The following TRIM14 variants were observed in gnomAD, a reference collection of about 807,000 sequenced individuals.
TRIM14 encodes the protein tripartite motif-containing protein 14.
TRIM14 carries 28 observed loss-of-function variants against 44.5 expected under a neutral mutation model. That is an observed-to-expected ratio of 0.63 (90% confidence interval 0.47 to 0.86). TRIM14 has a LOEUF of 0.86. Among genes scored for constraint, TRIM14 ranks in the 40% least tolerant of loss-of-function variants. The pLI is 0.00. For synonymous variants in TRIM14, 299 were observed against 269.2 expected, an observed-to-expected ratio of 1.11 and a Z score of -1.08; for missense variants, 607 against 611.1, an observed-to-expected ratio of 0.99 and a Z score of 0.07.
intron 1 of TRIM14, among the ~76,000 whole-genome samples, chr9:98,115,654 G>C (rs1374934659): frequency 6.6e-6 from 1 of 152,032 alleles, no homozygotes; most frequent in Non-Finnish European, 1.5e-5. Context: ...AAAGTGCTGG[G>C]TTTACAGGCG....
At chr9:98,117,740 G>C (rs1213705549) in intron 1 of TRIM14, among the ~76,000 whole-genome samples, 3 of 152,190 alleles carry the variant, frequency 2.0e-5, no homozygotes, top group Non-Finnish European at 2.9e-5. Flanking sequence ...CCATCCTCAA[G>C]CTTTAGGCTT....
chr9:98,055,588 G>A, the TRIM14 span, among the ~76,000 whole-genome samples: 1 of 152,118 alleles, frequency 6.6e-6, no homozygotes, highest in African/African-American at 2.4e-5. Flanking sequence ...GAGCAATTTG[G>A]GGAGGGTCAG....
At chr9:98,061,126 C>G in the TRIM14 span, 1 of 828,426 alleles carries the variant, frequency 1.2e-6, no homozygotes, top group Non-Finnish European at 1.9e-6. Context: ...ACTGGAGAGG[C>G]TAGCAGGCGC....
At chr9:98,051,245 A>C in the TRIM14 span, among the ~76,000 whole-genome samples, 22 of 152,226 alleles carry the variant, frequency 1.4e-4, no homozygotes, top group Non-Finnish European at 3.1e-4. Context: ...TATTCTCCTT[A>C]TCCAGGGTCC....
rs777353556 is a variant in TRIM14, at chr9:98,087,575, C to G, written c.1224G>C (p.Thr408=). Reference sequence around the variant, plus strand: ...AGGTATGCAGGTGGCTCATGCCGCCCGTCACGTCGTAGAAGGCGAGGACGC... The same window carrying G: ...AGGTATGCAGGTGGCTCATGCCGCCGGTCACGTCGTAGAAGGCGAGGACGC... The part of the protein sequence containing the change: ...EAGVLAFYDV[T]GGMSHLHTFR... Residue 408 remains threonine (T), a synonymous_variant, in exon 6 of 6, where the codon ACG becomes ACC. Transcript: ENST00000341469. 1.1e-5 allele frequency: 17 copies of G among 1,597,278 alleles called. No individual in the cohort carries two copies. In the South Asian group the frequency reaches 1.8e-4, roughly 17 times the overall value.
At chr9:98,064,381 G>A (rs866665343), downstream of TRIM14, among the ~76,000 whole-genome samples, 41 of 152,148 alleles carry the variant, frequency 2.7e-4, 1 homozygote, top group Middle Eastern at 0.014. Context: ...AGCCTCCTGA[G>A]TAGCTGGGAT....
At chr9:98,050,194 A>T in the TRIM14 span, among the ~76,000 whole-genome samples, 6 of 152,240 alleles carry the variant, frequency 3.9e-5, no homozygotes, top group African/African-American at 1.4e-4. Context: ...CACTTGTTGT[A>T]GTTCATGATG....
At chr9:98,118,678 C>T (rs1018100811) in intron 1 of TRIM14, among the ~76,000 whole-genome samples, 1 of 152,332 alleles carries the variant, frequency 6.6e-6, no homozygotes, top group Admixed American at 6.5e-5. Flanking sequence ...GGCAGTGTGG[C>T]GGATCGGCCA....
Position 98,095,032 on chromosome 9 carries a change from G to A in TRIM14, c.538-3C>T, listed in dbSNP as rs747674761. 1.4e-5 allele frequency: 22 copies of A among 1,612,110 alleles called. No homozygotes were observed. Among genetic ancestry groups the A allele is most frequent in the African/African-American group, 4.0e-5 (3 of 75,008 alleles). ...TCCTGCTCGGTGGCCGTGTATGCCT[G>A]TGTGGGCACACGGGGGTGAGGGTGG... On this transcript the variant is annotated splice_region_variant and splice_polypyrimidine_tract_variant and intron_variant, in intron 3 of 5. Transcript: ENST00000341469. The surrounding 1 kb of genome is among the most constrained non-coding windows in gnomAD (Gnocchi z 4.1).
chr9:98,036,019 A>G, the TRIM14 span, among the ~76,000 whole-genome samples: 3,312 of 151,122 alleles, frequency 0.022, 84 homozygotes, highest in Non-Finnish European at 0.029. Context: ...GACCAGCCTG[A>G]CCAACATGGT....
chr9:98,061,116 A>G, the TRIM14 span: 2 of 956,704 alleles, frequency 2.1e-6, no homozygotes, highest in Non-Finnish European at 3.2e-6. Context: ...GTTCCCAGCT[A>G]CTGGAGAGGC....
At chr9:98,041,271 A>C in the TRIM14 span, among the ~76,000 whole-genome samples, 7 of 152,236 alleles carry the variant, frequency 4.6e-5, no homozygotes, top group East Asian at 5.8e-4. Context: ...GAAAAAAAAA[A>C]CTTAAGAACA....
chr9:98,038,470 G>C, the TRIM14 span, among the ~76,000 whole-genome samples: 1 of 152,128 alleles, frequency 6.6e-6, no homozygotes, highest in African/African-American at 2.4e-5. Context: ...AATAAGAGTG[G>C]AATGAAAATT....
intron 1 of TRIM14, among the ~76,000 whole-genome samples, chr9:98,112,763 A>G (rs1340748158): frequency 7.2e-6 from 1 of 138,658 alleles, no homozygotes; most frequent in Non-Finnish European, 1.5e-5. Flanking sequence ...GCGCCATTGC[A>G]CTCCAGCCTG....
downstream of TRIM14, among the ~76,000 whole-genome samples, chr9:98,065,637 C>T (rs569107177): frequency 6.6e-6 from 1 of 150,646 alleles, no homozygotes; most frequent in Non-Finnish European, 1.5e-5. Context: ...CTGCATCCAG[C>T]TGCTTTTTTT....
At position 98,086,147 on chromosome 9, in the gene TRIM14, G is replaced by A. The variant is rs1456778511; in HGVS notation, c.*1323C>T. On this transcript the variant is annotated 3_prime_UTR_variant, in exon 6 of 6. Coordinates refer to ENST00000341469, the MANE Select transcript of TRIM14 (RefSeq NM_014788.4). ...TACCCTTTTTGTCCCAAGACAGTTG[G>A]GAAACACCACCCCCTTTGGTTGCTT... 6.6e-6 allele frequency: 1 copy of A among 152,164 alleles called. No individual in the cohort carries two copies. Among genetic ancestry groups the A allele is most frequent in the East Asian group, 1.9e-4 (1 of 5,204 alleles). 9.4% of individuals were successfully genotyped at this position (152,164 alleles called of 1,614,324 possible).
the TRIM14 span, among the ~76,000 whole-genome samples, chr9:98,040,413 G>C: frequency 1.3e-5 from 2 of 151,840 alleles, no homozygotes; most frequent in African/African-American, 2.4e-5. Context: ...CTTTGATGTT[G>C]TGGGCCTCGC....
chr9:98,117,298 T>C (rs1827089417), intron 1 of TRIM14, among the ~76,000 whole-genome samples: 1 of 151,484 alleles, frequency 6.6e-6, no homozygotes, highest in Non-Finnish European at 1.5e-5. Context: ...ATTTATTTAT[T>C]TATTTATTTA....
At chr9:98,107,479 A>G (rs1046362214) in intron 2 of TRIM14, among the ~76,000 whole-genome samples, 1 of 152,252 alleles carries the variant, frequency 6.6e-6, no homozygotes, top group African/African-American at 2.4e-5. Flanking sequence ...ATGGGAATGA[A>G]CTAGTGGTTC....
Sources: gnomAD v4.1 joint callset for allele counts (sites outside exome capture counted in the v4.1 genomes callset) on GRCh38, gnomAD v4.1.1 for gene constraint, Gnocchi (gnomAD v3.1) non-coding constraint, MANE v1.5 for transcripts, NCBI Gene and HGNC (gene_info 2026-07-23, HGNC 2026-07-21) for gene names.